RPRD1B: variants seen among roughly 807,000 people sequenced by gnomAD.
RPRD1B encodes the protein regulation of nuclear pre-mRNA domain containing 1B, also known as regulation of nuclear pre-mRNA domain-containing protein 1B.
In RPRD1B, 11 loss-of-function variants were observed where a neutral mutation model predicts 41.5. That is an observed-to-expected ratio of 0.27 (90% CI 0.17 to 0.44). RPRD1B has a LOEUF of 0.44. RPRD1B is among the 20% of genes least tolerant of loss of function. The probability of loss-of-function intolerance (pLI) is 1.00; values close to 1 mark genes in which losing one functional copy is unlikely to be tolerated. For missense variants in RPRD1B, 248 were observed against 389.9 expected (o/e 0.64, Z 3.06); for synonymous variants, 158 against 155.6 (o/e 1.02, Z -0.12).
intron 6 of RPRD1B, chr20:38,070,737 GAT>G (rs1491538342): frequency 2.3e-6 from 2 of 863,562 alleles, no homozygotes; most frequent in Non-Finnish European, 2.7e-6. Flanking sequence ...TCTTAACTGT[GAT>G]TTTTTTTTTT....
At chr20:38,076,859 C>T (rs925208039) in intron 6 of RPRD1B, among the ~76,000 whole-genome samples, 1 of 143,292 alleles carries the variant, frequency 7.0e-6, no homozygotes, top group Non-Finnish European at 1.5e-5. Context: ...TTCTCCATGC[C>T]TTTATTGTAA....
intron 6 of RPRD1B, chr20:38,070,617 A>G: frequency 3.0e-6 from 3 of 985,460 alleles, no homozygotes; most frequent in Non-Finnish European, 3.6e-6. Flanking sequence ...TGATACAGAC[A>G]TGTTCTGTTA....
Position 38,090,758 on chromosome 20 carries a change from T to C in RPRD1B, c.*883T>C. The C allele has an allele frequency of 1.0e-6, 1 of 985,534 alleles. No homozygotes were observed. Among genetic ancestry groups the C allele is most frequent in the Non-Finnish European group, 1.2e-6 (1 of 829,982 alleles). The allele number at this position is 985,534 out of a possible 1,614,324, so 61.0% of individuals were successfully genotyped here. ...ACAGGTGTGCTGCATTTGGGATCTG[T>C]GTGGGTGTTTCTTGGACCCTTTCTT... On this transcript the variant is annotated 3_prime_UTR_variant, in exon 7 of 7. Transcript: ENST00000373433.
chr20:38,048,284 G>T, intron 2 of RPRD1B, 64 bp from the exon 3 acceptor site: 2 of 1,475,864 alleles, frequency 1.4e-6, no homozygotes, highest in South Asian at 1.3e-5. Flanking sequence ...TTTTAAGTAG[G>T]TCTGTCCTAA....
chr20:38,058,515 G>A (rs2074266184), intron 4 of RPRD1B, among the ~76,000 whole-genome samples: 2 of 152,134 alleles, frequency 1.3e-5, no homozygotes, highest in South Asian at 2.1e-4. Flanking sequence ...GGAGTGGCCT[G>A]TTAGCATTGT....
intron 6 of RPRD1B, among the ~76,000 whole-genome samples, chr20:38,067,923 C>T (rs2074373342): frequency 6.6e-6 from 1 of 152,240 alleles, no homozygotes; most frequent in African/African-American, 2.4e-5. Context: ...ATCTGTCAGA[C>T]ATTGATTATC....
At chr20:38,041,863 C>T (rs529964307) in intron 2 of RPRD1B, among the ~76,000 whole-genome samples, 8 of 152,156 alleles carry the variant, frequency 5.3e-5, no homozygotes, top group Non-Finnish European at 1.2e-4. Flanking sequence ...CACATTTGCT[C>T]ATTCATTGGA....
At position 38,091,635 on chromosome 20, in the gene RPRD1B, C is replaced by G. The variant is rs1012307948; in HGVS notation, c.*1760C>G. On this transcript the variant is annotated 3_prime_UTR_variant, in exon 7 of 7. Coordinates refer to ENST00000373433, the MANE Select transcript of RPRD1B (RefSeq NM_021215.4). ...TGCTGCTGCACTCCCCAACCTCTCC[C>G]CCACCCCCCGTGGTGTGCTGCTTTC... 4.1e-6 allele frequency: 4 copies of G among 985,550 alleles called. No individual in the cohort carries two copies. In the African/African-American group the frequency reaches 5.2e-5, roughly 13 times the overall value. The allele number at this position is 985,550 out of a possible 1,614,324, so 61.1% of individuals were successfully genotyped here.
chr20:38,088,116 G>C (rs1053422974), intron 6 of RPRD1B, among the ~76,000 whole-genome samples: 2 of 152,218 alleles, frequency 1.3e-5, no homozygotes, highest in Admixed American at 6.5e-5. Context: ...TAGACTGTGT[G>C]AGGAGCTCTC....
intron 2 of RPRD1B, among the ~76,000 whole-genome samples, chr20:38,047,178 A>G (rs2074129100): frequency 6.6e-6 from 1 of 152,184 alleles, no homozygotes; most frequent in Admixed American, 6.5e-5. Context: ...AGCAGTAGAA[A>G]TGTTTTTCCT....
chr20:38,084,144 G>C (rs2074539559), intron 6 of RPRD1B, among the ~76,000 whole-genome samples: 1 of 152,138 alleles, frequency 6.6e-6, no homozygotes, highest in Non-Finnish European at 1.5e-5. Flanking sequence ...GGGCTTGGCG[G>C]GTGTGTTAAA....
At chr20:38,063,825 C>G (rs576577210) in intron 5 of RPRD1B, among the ~76,000 whole-genome samples, 1 of 152,094 alleles carries the variant, frequency 6.6e-6, no homozygotes, top group Non-Finnish European at 1.5e-5. Flanking sequence ...GTAGGTCCCC[C>G]GAAGCGAGCA....
chr20:38,043,414 G>A (rs2074087680), intron 2 of RPRD1B, among the ~76,000 whole-genome samples: 3 of 152,280 alleles, frequency 2.0e-5, no homozygotes, highest in Middle Eastern at 3.4e-3. Flanking sequence ...TTGGAAGTTA[G>A]GATTTTTTTC....
intron 1 of RPRD1B, 94 bp from the exon 2 acceptor site, chr20:38,040,341 C>T: frequency 4.0e-6 from 4 of 1,010,778 alleles, no homozygotes; most frequent in South Asian, 2.1e-5. Context: ...TAATACTTGT[C>T]TTAATGTTTT....
At chr20:38,051,073 T>C (rs2074180236) in intron 3 of RPRD1B, among the ~76,000 whole-genome samples, 2 of 152,220 alleles carry the variant, frequency 1.3e-5, no homozygotes, top group Non-Finnish European at 2.9e-5. Context: ...AAAATTTTTC[T>C]ATGGAACTTT....
At chr20:38,076,711 C>T (rs2074463568) in intron 6 of RPRD1B, among the ~76,000 whole-genome samples, 2 of 142,374 alleles carry the variant, frequency 1.4e-5, no homozygotes, top group Non-Finnish European at 3.0e-5. Flanking sequence ...ACTTCTTAGT[C>T]TCTGCCTCTT....
chr20:38,069,461 A>T (rs6013812), intron 6 of RPRD1B, among the ~76,000 whole-genome samples: 1 of 152,120 alleles, frequency 6.6e-6, no homozygotes, highest in African/African-American at 2.4e-5. Flanking sequence ...GAAGAGAAGC[A>T]TGTTTATAAA....
At chr20:38,058,220 C>G (rs2074263153) in intron 4 of RPRD1B, among the ~76,000 whole-genome samples, 1 of 152,020 alleles carries the variant, frequency 6.6e-6, no homozygotes, top group South Asian at 2.1e-4. Context: ...CCAGGTGTGT[C>G]TGACTTCAGA....
intron 5 of RPRD1B, among the ~76,000 whole-genome samples, chr20:38,060,504 C>T (rs1296005638): frequency 6.6e-6 from 1 of 152,064 alleles, no homozygotes; most frequent in Non-Finnish European, 1.5e-5. Context: ...TGATTGCAGG[C>T]GGTATTAATG....
Sources: gnomAD v4.1 joint callset for allele counts (sites outside exome capture counted in the v4.1 genomes callset) on GRCh38, gnomAD v4.1.1 for gene constraint, MANE v1.5 for transcripts, NCBI Gene and HGNC (gene_info 2026-07-23, HGNC 2026-07-21) for gene names.